The following RAP1GAP variants were observed in gnomAD, a reference collection of about 807,000 sequenced individuals.
RAP1GAP encodes the protein RAP1 GTPase activating protein, also known as rap1 GTPase-activating protein 1.
A neutral mutation model predicts 87.2 loss-of-function variants in RAP1GAP; 35 were observed. The ratio of observed to expected loss-of-function variants is 0.40; its 90% confidence interval spans 0.31 to 0.53. RAP1GAP has a LOEUF of 0.53. Ranked by LOEUF, RAP1GAP falls within the 20% of genes least tolerant of loss-of-function variation. RAP1GAP has a pLI of 0.48. For missense variants in RAP1GAP, 734 were observed against 898.9 expected (o/e 0.82, Z 2.35); for synonymous variants, 375 against 363.9 (o/e 1.03, Z -0.35).
chr1:21,669,122 T>C lies in RAP1GAP; in HGVS notation c.-149+132A>G. 1 of 994,874 alleles carries C rather than the reference T, an allele frequency of 1.0e-6. No homozygotes were observed. The highest frequency in any genetic ancestry group is 1.3e-6 in the Non-Finnish European group (1 of 785,888). 61.6% of individuals were successfully genotyped at this position (994,874 alleles called of 1,614,324 possible). The stretch of plus-strand genomic sequence containing the variant: ...CACCCCTCGCCCCTGGAGACCCGGG[T>C]CCCCCACGCGTTCGCCCCCACCCTC... On this transcript the variant is annotated intron_variant, in intron 1 of 24. Coordinates refer to ENST00000374765, the MANE Select transcript of RAP1GAP (RefSeq NM_002885.4). The surrounding 1 kb of genome is among the most constrained non-coding windows in gnomAD (Gnocchi z 5.6).
At position 21,615,768 on chromosome 1, in the gene RAP1GAP, C is replaced by G. The variant is rs1194816775; in HGVS notation, c.291+1538G>C. ...GTCCACTACCTTCATCTGTTCCTAC[C>G]TTCATCTGTCACTTGTCACTCTTTC... is the stretch of plus-strand genomic sequence containing the variant. On this transcript the variant is annotated intron_variant, in intron 7 of 24. Coordinates refer to ENST00000374765, the MANE Select transcript of RAP1GAP (RefSeq NM_002885.4). This position sits in a 1 kb window ranked among gnomAD's most constrained non-coding sequence, Gnocchi z 4.5. Among the ~76,000 whole-genome samples the G allele has an allele frequency of 1.3e-5, 2 of 152,194 alleles. No homozygotes were observed. Among genetic ancestry groups the G allele is most frequent in the Non-Finnish European group, 2.9e-5 (2 of 68,026 alleles).
intron 1 of RAP1GAP, among the ~76,000 whole-genome samples, chr1:21,663,254 G>C (rs1032338199): frequency 6.6e-6 from 1 of 152,190 alleles, no homozygotes; most frequent in Non-Finnish European, 1.5e-5. Flanking sequence ...CCCTGGCAGA[G>C]CTCCCACACC....
intron 4 of RAP1GAP, among the ~76,000 whole-genome samples, chr1:21,619,370 G>A (rs541356373): frequency 1.3e-5 from 2 of 152,156 alleles, no homozygotes; most frequent in South Asian, 2.1e-4. Context: ...GCTGGCGGGT[G>A]GGGGGACTGT....
At chr1:21,636,596 C>T (rs754093065) in intron 2 of RAP1GAP, among the ~76,000 whole-genome samples, 5 of 151,988 alleles carry the variant, frequency 3.3e-5, no homozygotes, top group Non-Finnish European at 7.4e-5. Flanking sequence ...CACCTGAGGT[C>T]GGGAGTTTGA....
intron 17 of RAP1GAP, among the ~76,000 whole-genome samples, chr1:21,606,815 C>T (rs572345520): frequency 1.3e-5 from 2 of 152,294 alleles, no homozygotes; most frequent in South Asian, 2.1e-4. Flanking sequence ...GGGGTGAGCC[C>T]GGCATGCCAG....
chr1:21,651,672 C>A, intron 1 of RAP1GAP: 2 of 1,158,548 alleles, frequency 1.7e-6, no homozygotes, highest in South Asian at 1.3e-5. Context: ...GCAGTCATAG[C>A]CCAGGCCCAC....
intron 17 of RAP1GAP, 71 bp downstream of exon 17, chr1:21,608,142 T>C: frequency 6.4e-7 from 1 of 1,574,036 alleles, no homozygotes; most frequent in Non-Finnish European, 8.6e-7. Flanking sequence ...CATCAGTCTA[T>C]CAGCCTCAGC....
At chr1:21,638,429 C>T (rs1340205509) in intron 2 of RAP1GAP, among the ~76,000 whole-genome samples, 1 of 149,424 alleles carries the variant, frequency 6.7e-6, no homozygotes, top group Non-Finnish European at 1.5e-5. Context: ...TGCACTCCAG[C>T]CTGGGCGACA....
At chr1:21,619,556 A>G (rs2085209428) in intron 4 of RAP1GAP, among the ~76,000 whole-genome samples, 1 of 151,904 alleles carries the variant, frequency 6.6e-6, no homozygotes, top group Non-Finnish European at 1.5e-5. Flanking sequence ...CCTCCCATGC[A>G]TACCTATGTG....
Position 21,622,662 on chromosome 1 carries a change from C to A in RAP1GAP, c.-18-2612G>T, listed in dbSNP as rs902372787. 4 of 149,146 alleles carry A rather than the reference C, an allele frequency of 2.7e-5. No homozygotes were observed. Among genetic ancestry groups the A allele is most frequent in the Admixed American group, 2.7e-4 (4 of 14,994 alleles). 9.2% of individuals were successfully genotyped at this position (149,146 alleles called of 1,614,324 possible). On this transcript the variant is annotated intron_variant, in intron 3 of 24. Transcript: ENST00000374765. The surrounding 1 kb of genome is among the most constrained non-coding windows in gnomAD (Gnocchi z 5.7). ...CTGAAGCCACGCCCCCCGGGCGGCCCGGCCCGCGGCCCCGGGACACCGCGC... is the reference window on the plus strand; with the variant it reads ...CTGAAGCCACGCCCCCCGGGCGGCCAGGCCCGCGGCCCCGGGACACCGCGC...
Position 21,634,715 on chromosome 1 carries a change from G to C in RAP1GAP, c.-112-8318C>G, listed in dbSNP as rs764559609. The C allele has an allele frequency of 2.3e-6, 1 of 426,946 alleles. No homozygotes were observed. The highest frequency in any genetic ancestry group is 4.8e-6 in the Non-Finnish European group (1 of 207,882). 26.4% of individuals were successfully genotyped at this position (426,946 alleles called of 1,614,324 possible). A position where few individuals can be genotyped will look rare whatever the true frequency, so the allele number is the denominator to read the frequency against. The stretch of plus-strand genomic sequence containing the variant: ...AGCCTAGAGAGGTGGTCACGGGACC[G>C]GTCCCTGCCCAGGGCACAGCATCTG... On this transcript the variant is annotated intron_variant, in intron 2 of 24. Coordinates refer to ENST00000374765, the MANE Select transcript of RAP1GAP (RefSeq NM_002885.4). The surrounding 1 kb of genome is among the most constrained non-coding windows in gnomAD (Gnocchi z 4.1).
In RAP1GAP at chr1:21,613,616, C is replaced by CGG; in HGVS notation, c.474+10_474+11dup. ...AGCCAGCCCGGGAAGCTCAGCGGAG[C>CGG]GGAGACCTCACCTTTGCCATCTGGA... On this transcript the variant is annotated intron_variant, in intron 9 of 24. Coordinates refer to ENST00000374765, the MANE Select transcript of RAP1GAP (RefSeq NM_002885.4). The surrounding 1 kb of genome is among the most constrained non-coding windows in gnomAD (Gnocchi z 4.7). 6.2e-7 allele frequency: 1 copy of CGG among 1,607,092 alleles called. No individual in the cohort carries two copies. Among genetic ancestry groups the CGG allele is most frequent in the East Asian group, 2.2e-5 (1 of 44,848 alleles).
At chr1:21,604,872 G>A (rs1217747260) in intron 18 of RAP1GAP, among the ~76,000 whole-genome samples, 1 of 147,734 alleles carries the variant, frequency 6.8e-6, no homozygotes, top group East Asian at 2.0e-4. Flanking sequence ...TGGATGGATG[G>A]ATGGATGGAT....
intron 2 of RAP1GAP, among the ~76,000 whole-genome samples, chr1:21,635,624 C>G (rs1288220973): frequency 6.6e-6 from 1 of 152,218 alleles, no homozygotes; most frequent in Non-Finnish European, 1.5e-5. Context: ...TGCACCAGCC[C>G]TAGCTGGGGC....
chr1:21,638,314 G>A (rs893044193), intron 2 of RAP1GAP, among the ~76,000 whole-genome samples: 1 of 151,880 alleles, frequency 6.6e-6, no homozygotes, highest in Non-Finnish European at 1.5e-5. Context: ...AAAATCAGCC[G>A]GACATGGTAG....
At chr1:21,664,912 C>T (rs1353438211) in intron 1 of RAP1GAP, among the ~76,000 whole-genome samples, 7 of 152,168 alleles carry the variant, frequency 4.6e-5, no homozygotes, top group Non-Finnish European at 1.0e-4. Flanking sequence ...TCGCAAACAA[C>T]ATCCCCAGGG....
chr1:21,613,584 T>C lies in RAP1GAP; in HGVS notation c.474+44A>G. ...CAAGCTGAAGCCCCACAGGTGCCCA[T>C]CTGCGGAGCCAGCCCGGGAAGCTCA... On this transcript the variant is annotated intron_variant, in intron 9 of 24. Transcript: ENST00000374765. This position sits in a 1 kb window ranked among gnomAD's most constrained non-coding sequence, Gnocchi z 4.7. 1 of 1,543,728 alleles carries C rather than the reference T, an allele frequency of 6.5e-7. No homozygotes were observed. Among genetic ancestry groups the C allele is most frequent in the Non-Finnish European group, 9.0e-7 (1 of 1,116,404 alleles).
chr1:21,646,862 G>A (rs893084124), intron 2 of RAP1GAP, among the ~76,000 whole-genome samples: 1 of 152,176 alleles, frequency 6.6e-6, no homozygotes, highest in African/African-American at 2.4e-5. Flanking sequence ...CCTACTCTGA[G>A]GTCCTCCACT....
chr1:21,604,842 GAGATGGATGGATGGAT>G (rs1328934750), intron 18 of RAP1GAP, among the ~76,000 whole-genome samples: 2 of 131,500 alleles, frequency 1.5e-5, no homozygotes, highest in Non-Finnish European at 3.3e-5. Context: ...GGGATGGATA[GAGATGGATGGATGGAT>G]GGATGGATGG....
Sources: gnomAD v4.1 joint callset for allele counts (sites outside exome capture counted in the v4.1 genomes callset) on GRCh38, gnomAD v4.1.1 for gene constraint, Gnocchi (gnomAD v3.1) non-coding constraint, MANE v1.5 for transcripts, NCBI Gene and HGNC (gene_info 2026-07-23, HGNC 2026-07-21) for gene names.